MYO7B: variants seen among roughly 807,000 people sequenced by gnomAD.
MYO7B encodes the protein unconventional myosin-VIIb.
A neutral mutation model predicts 259.7 loss-of-function variants in MYO7B; 212 were observed. The ratio of observed to expected loss-of-function variants is 0.82; its 90% confidence interval spans 0.73 to 0.91. The LOEUF is 0.91. MYO7B is among the 40% of genes least tolerant of loss of function. The pLI is 0.00. For synonymous variants in MYO7B, 1,197 were observed against 1,166.4 expected (o/e 1.03, Z -0.54); for missense variants, 2,732 against 2,813.5 (o/e 0.97, Z 0.66).
chr2:127,593,777 C>G, intron 18 of MYO7B, 133 bp downstream of exon 18: 1 of 770,434 alleles, frequency 1.3e-6, no homozygotes, highest in South Asian at 1.7e-5. Flanking sequence ...AAAGTGTGGT[C>G]CCCACCCTCA....
Position 127,634,565 on chromosome 2 carries a change from CCCAACTTCCCTGTA to C in MYO7B, c.5626-28_5626-15del, listed in dbSNP as rs769945349. On this transcript the variant is annotated splice_polypyrimidine_tract_variant and intron_variant, in intron 41 of 47. Transcript: ENST00000409816. The stretch of plus-strand genomic sequence containing the variant: ...TCAGGAGGACAGTCCCCGGAAGCCA[CCCAACTTCCCTGTA>C]CCTTCCCCTTCCCCAGGTCATCAGC... The C allele has an allele frequency of 7.6e-6, 12 of 1,588,086 alleles. No individual in the cohort carries two copies. The East Asian group carries it at 1.6e-4, about 21-fold the overall frequency.
At chr2:127,582,672 T>C (rs993841551) in intron 12 of MYO7B, among the ~76,000 whole-genome samples, 2 of 152,192 alleles carry the variant, frequency 1.3e-5, no homozygotes, top group South Asian at 4.1e-4. Context: ...CCGGCATTTG[T>C]CACCCTTCTT....
chr2:127,564,098 C>A (rs1222637137), intron 2 of MYO7B, 55 bp from the exon 3 acceptor site: 3 of 1,263,318 alleles, frequency 2.4e-6, no homozygotes, highest in African/African-American at 1.5e-5. Context: ...AAGTATCCAG[C>A]AGGGAGGGGA....
chr2:127,612,670 G>A (rs1553455159), intron 26 of MYO7B, 67 bp downstream of exon 26: 23 of 1,565,224 alleles, frequency 1.5e-5, no homozygotes, highest in Non-Finnish European at 1.6e-5. Flanking sequence ...CTCAGCCCAT[G>A]GCCACAGCCT....
chr2:127,600,763 C>CAGG (rs1327884575), intron 19 of MYO7B, among the ~76,000 whole-genome samples: 1 of 152,186 alleles, frequency 6.6e-6, no homozygotes, highest in Non-Finnish European at 1.5e-5. Context: ...TTCAAAGAAT[C>CAGG]AGGCTTTAGT....
At chr2:127,540,844 G>A (rs528588335) in intron 1 of MYO7B, among the ~76,000 whole-genome samples, 84 of 152,176 alleles carry the variant, frequency 5.5e-4, no homozygotes, top group Non-Finnish European at 9.6e-4. Context: ...GGCTTCTGTG[G>A]AGCTACGTCT....
chr2:127,617,488 T>TTTTG (rs1491338569), intron 26 of MYO7B, among the ~76,000 whole-genome samples: 5 of 33,008 alleles, frequency 1.5e-4, no homozygotes, highest in African/African-American at 3.5e-4. Context: ...TGTAACGGGG[T>TTTTG]TTTTTTTTTT....
rs745563275 is a variant in MYO7B, at chr2:127,627,313, G to A, written c.4460+3G>A. 3.1e-6 allele frequency: 5 copies of A among 1,613,160 alleles called. No homozygotes were observed. The highest frequency in any genetic ancestry group is 2.2e-5 in the East Asian group (1 of 44,862). ...GTCATGGGTCTGGCCACCAACAGGT[G>A]CGGGCCCTGAGGGAAGATCTCTTCT... On this transcript the variant is annotated splice_donor_region_variant and intron_variant, in intron 33 of 47. Transcript: ENST00000409816. The surrounding 1 kb of genome is among the most constrained non-coding windows in gnomAD (Gnocchi z 5.6).
chr2:127,593,683 C>G (rs1165533277), intron 18 of MYO7B, 39 bp downstream of exon 18: 1 of 1,580,752 alleles, frequency 6.3e-7, no homozygotes, highest in Non-Finnish European at 8.7e-7. Flanking sequence ...CGGCCTCCTG[C>G]AGCATGTGGG....
In MYO7B at chr2:127,611,801, G is replaced by A. The variant is rs1411178559; in HGVS notation, c.3193-449G>A. On this transcript the variant is annotated intron_variant, in intron 24 of 47. Coordinates refer to ENST00000409816, the MANE Select transcript of MYO7B (RefSeq NM_001393586.1). The surrounding 1 kb of genome is among the most constrained non-coding windows in gnomAD (Gnocchi z 5.4). ...CCTGGCCTCTCAACCCCGGCTCTTC[G>A]GATCCCCTGCAGAGCACCTTGCAGT... Among the ~76,000 whole-genome samples the A allele has an allele frequency of 3.3e-5, 5 of 152,090 alleles. No individual in the cohort carries two copies. Among genetic ancestry groups the A allele is most frequent in the East Asian group, 1.9e-4 (1 of 5,178 alleles).
chr2:127,535,989 C>T lies in MYO7B; in HGVS notation c.-24+158C>T, dbSNP rs184747631. 6.6e-5 allele frequency among the ~76,000 whole-genome samples: 10 copies of T among 152,194 alleles called. No individual in the cohort carries two copies. Among genetic ancestry groups the T allele is most frequent in the East Asian group, 1.9e-4 (1 of 5,142 alleles). ...CTTCAGGAGCCTGGAAACCAGAAAC[C>T]GCAGCAGGGGACTCAGTCCATCGGG... is the stretch of plus-strand genomic sequence containing the variant. On this transcript the variant is annotated intron_variant, in intron 1 of 47. Coordinates refer to ENST00000409816, the MANE Select transcript of MYO7B (RefSeq NM_001393586.1). This position sits in a 1 kb window ranked among gnomAD's most constrained non-coding sequence, Gnocchi z 4.8.
chr2:127,564,207 G>C lies in MYO7B; in HGVS notation c.73G>C (p.Gly25Arg). 2 of 1,579,520 alleles carry C rather than the reference G, an allele frequency of 1.3e-6. No homozygotes were observed. Among genetic ancestry groups the C allele is most frequent in the Non-Finnish European group, 1.7e-6 (2 of 1,163,066 alleles). ...PSTHKTGVAI[G>R]GIIKEAKPGK... The stretch of plus-strand genomic sequence containing the variant: ...CACCCACAAGACCGGCGTGGCCATC[G>C]GGGGCATCATCAAAGAGGCAAAGCC... Residue 25 changes from glycine (G) to arginine (R), a missense_variant, in exon 3 of 48, where the codon GGG becomes CGG. Coordinates refer to ENST00000409816, the MANE Select transcript of MYO7B (RefSeq NM_001393586.1).
chr2:127,600,131 AT>A (rs1424365630), intron 19 of MYO7B, among the ~76,000 whole-genome samples: 1 of 152,126 alleles, frequency 6.6e-6, no homozygotes, highest in East Asian at 1.9e-4. Flanking sequence ...GGGCCTGGGA[AT>A]TTTTTTATAG....
At chr2:127,565,700 CAG>C (rs979067980) in intron 4 of MYO7B, among the ~76,000 whole-genome samples, 1 of 152,232 alleles carries the variant, frequency 6.6e-6, no homozygotes, top group Non-Finnish European at 1.5e-5. Context: ...GTTGTAGAGA[CAG>C]AGTCACTAGA....
At chr2:127,634,404 C>T (rs778963739) in intron 41 of MYO7B, 115 bp downstream of exon 41, 27 of 947,122 alleles carry the variant, frequency 2.9e-5, no homozygotes, top group East Asian at 5.3e-5. Flanking sequence ...CCAGGCTGCA[C>T]GGCCAGGGCT....
intron 4 of MYO7B, among the ~76,000 whole-genome samples, 191 bp from the exon 5 acceptor site, chr2:127,566,452 A>G (rs1474824155): frequency 1.3e-5 from 2 of 152,212 alleles, no homozygotes; most frequent in African/African-American, 2.4e-5. Flanking sequence ...TGGATATCCC[A>G]TCTTCCCAGA....
intron 1 of MYO7B, among the ~76,000 whole-genome samples, chr2:127,548,381 C>T (rs1000495690): frequency 6.7e-6 from 1 of 150,320 alleles, no homozygotes; most frequent in Non-Finnish European, 1.5e-5. Context: ...TCTCTAGTTT[C>T]CTAAGGTGGA....
chr2:127,630,375 CCT>C (rs763030724), intron 35 of MYO7B, among the ~76,000 whole-genome samples: 2 of 152,170 alleles, frequency 1.3e-5, no homozygotes, highest in African/African-American at 2.4e-5. Context: ...GGGAACTTAC[CCT>C]GTCTGGGAAG....
chr2:127,602,780 C>G (rs933363060), intron 19 of MYO7B, among the ~76,000 whole-genome samples: 4 of 152,188 alleles, frequency 2.6e-5, no homozygotes, highest in Non-Finnish European at 4.4e-5. Context: ...AGGTGGCTCA[C>G]TTGAGCTCAG....
Sources: gnomAD v4.1 joint callset for allele counts (sites outside exome capture counted in the v4.1 genomes callset) on GRCh38, gnomAD v4.1.1 for gene constraint, Gnocchi (gnomAD v3.1) non-coding constraint, MANE v1.5 for transcripts, NCBI Gene and HGNC (gene_info 2026-07-23, HGNC 2026-07-21) for gene names.